Variants in STK26 observed in about 807,000 individuals in gnomAD.
STK26 encodes the protein serine/threonine kinase 26, also known as serine/threonine-protein kinase 26.
STK26 carries 14 observed loss-of-function variants against 34.7 expected under a neutral mutation model. That is an observed-to-expected ratio of 0.40 (90% CI 0.27 to 0.63). The LOEUF (loss-of-function observed/expected upper bound fraction) is 0.63. Ranked by LOEUF, STK26 falls within the 30% of genes least tolerant of loss-of-function variation. The probability of loss-of-function intolerance (pLI) is 0.38; values close to 1 mark genes in which losing one functional copy is unlikely to be tolerated. For missense variants in STK26, 226 were observed against 309.1 expected (o/e 0.73, Z 2.02); for synonymous variants, 100 against 109.8 (o/e 0.91, Z 0.56).
intron 3 of STK26, among the ~76,000 whole-genome samples, chrX:132,062,071 T>C (rs966110588): frequency 8.9e-6 from 1 of 112,424 alleles, no homozygotes; most frequent in Non-Finnish European, 1.9e-5. Flanking sequence ...AAATTGTCTT[T>C]TGGGAGGACT....
rs1569330070 is a variant in STK26 at position 132,044,708 on chromosome X, GATCTATATATATATTTATATATAT to G, written c.43-9920_43-9897del. Among the ~76,000 whole-genome samples the G allele has an allele frequency of 8.3e-4, 55 of 66,384 alleles. 2 individuals are homozygous for G. Among genetic ancestry groups the G allele is most frequent in the African/African-American group, 2.6e-3 (45 of 17,456 alleles). The allele number at this position is 66,384 out of a possible 115,157, so 57.6% of individuals were successfully genotyped here. ...ATATATAGAGAGAGAGAGAGAGAGA[GATCTATATATATATTTATATATAT>G]ATAGAGAGATCTATATATATATTTA... On this transcript the variant is annotated intron_variant, in intron 2 of 11. Coordinates refer to ENST00000394334, the MANE Select transcript of STK26 (RefSeq NM_016542.4).
At chrX:132,028,297 G>C (rs1925687833) in intron 2 of STK26, among the ~76,000 whole-genome samples, 1 of 110,966 alleles carries the variant, frequency 9.0e-6, no homozygotes, top group Non-Finnish European at 1.9e-5. Context: ...GCTAGTTTCA[G>C]AAGGAAAAGT....
At chrX:132,068,364 AT>A in intron 5 of STK26, 41 bp downstream of exon 5, 1 of 1,200,742 alleles carries the variant, frequency 8.3e-7, no homozygotes, top group Non-Finnish European at 1.1e-6. Flanking sequence ...AAATAGAAGC[AT>A]TCTGAGCAAG....
At chrX:132,071,591 C>T (rs1314294243) in intron 8 of STK26, among the ~76,000 whole-genome samples, 1 of 112,206 alleles carries the variant, frequency 8.9e-6, no homozygotes, top group African/African-American at 3.2e-5. Context: ...AACTGACCTC[C>T]AGGCTTTTCC....
At position 132,044,755 on chromosome X, in the gene STK26, T is replaced by TTA. The variant is rs778564863; in HGVS notation, c.43-9865_43-9864dup. 1.4e-3 allele frequency among the ~76,000 whole-genome samples: 66 copies of TTA among 47,898 alleles called. 11 individuals carry two copies. Among genetic ancestry groups the TTA allele is most frequent in the African/African-American group, 6.0e-3 (63 of 10,528 alleles). The allele number at this position is 47,898 out of a possible 115,157, so 41.6% of individuals were successfully genotyped here. A position where few individuals can be genotyped will look rare whatever the true frequency, so the allele number is the denominator to read the frequency against. ...TATATAGAGAGATCTATATATATAT[T>TTA]TATATATATATAGAGAGATCTATAT... On this transcript the variant is annotated intron_variant, in intron 2 of 11. Coordinates refer to ENST00000394334, the MANE Select transcript of STK26 (RefSeq NM_016542.4).
intron 2 of STK26, among the ~76,000 whole-genome samples, chrX:132,031,502 C>T (rs1925837380): frequency 8.9e-6 from 1 of 112,134 alleles, no homozygotes; most frequent in African/African-American, 3.2e-5. Context: ...CCTTCTCAGC[C>T]TCTAATACTC....
chrX:132,061,850 C>T (rs1345201481), intron 3 of STK26, among the ~76,000 whole-genome samples: 3 of 111,421 alleles, frequency 2.7e-5, no homozygotes, highest in African/African-American at 6.5e-5. Context: ...GAATACCTCC[C>T]AGGGATTTTT....
chrX:132,039,611 C>G (rs1423194612), intron 2 of STK26, among the ~76,000 whole-genome samples: 2 of 111,593 alleles, frequency 1.8e-5, no homozygotes, highest in Non-Finnish European at 1.9e-5. Flanking sequence ...TCATTCCAGG[C>G]AAATTTTGAA....
At chrX:132,028,515 A>G (rs1925696237) in intron 2 of STK26, among the ~76,000 whole-genome samples, 1 of 111,716 alleles carries the variant, frequency 9.0e-6, no homozygotes, top group Admixed American at 9.5e-5. Flanking sequence ...GTCATTCATC[A>G]GATATTTACT....
At chrX:132,056,231 A>G (rs1443603302) in intron 3 of STK26, among the ~76,000 whole-genome samples, 1 of 111,551 alleles carries the variant, frequency 9.0e-6, no homozygotes, top group Non-Finnish European at 1.9e-5. Flanking sequence ...CATGTTTATT[A>G]TTGCCTTATG....
At chrX:132,051,826 A>G (rs968667237) in intron 2 of STK26, among the ~76,000 whole-genome samples, 1 of 109,157 alleles carries the variant, frequency 9.2e-6, no homozygotes, top group African/African-American at 3.3e-5. Context: ...ACTCCCACTT[A>G]TGAGTGAGAA....
At chrX:132,037,026 T>C (rs1926076098) in intron 2 of STK26, among the ~76,000 whole-genome samples, 1 of 111,691 alleles carries the variant, frequency 9.0e-6, no homozygotes, top group African/African-American at 3.3e-5. Context: ...TTTAAGAAGG[T>C]CGGTGAATTA....
chrX:132,048,137 A>C (rs1458767532), intron 2 of STK26, among the ~76,000 whole-genome samples: 4 of 112,099 alleles, frequency 3.6e-5, no homozygotes, highest in Non-Finnish European at 7.5e-5. Flanking sequence ...GATAAGAAAT[A>C]TAGCATGTAA....
chrX:132,046,835 A>G (rs777995651), intron 2 of STK26, among the ~76,000 whole-genome samples: 1 of 112,001 alleles, frequency 8.9e-6, no homozygotes, highest in Non-Finnish European at 1.9e-5. Flanking sequence ...ACTACATTTC[A>G]TTTATCTCAT....
chrX:132,051,268 A>T (rs963704195), intron 2 of STK26, among the ~76,000 whole-genome samples: 4 of 111,796 alleles, frequency 3.6e-5, no homozygotes, highest in Admixed American at 1.9e-4. Context: ...ATACCTTCTG[A>T]ATAAGACTTA....
intron 2 of STK26, among the ~76,000 whole-genome samples, chrX:132,051,146 C>T (rs1277849207): frequency 8.9e-6 from 1 of 112,192 alleles, no homozygotes; most frequent in African/African-American, 3.2e-5. Context: ...CTGCTCCTTA[C>T]TTTGCACAGG....
chrX:132,073,130 T>G, intron 11 of STK26, 37 bp downstream of exon 11: 1 of 1,143,734 alleles, frequency 8.7e-7, no homozygotes, highest in Non-Finnish European at 1.2e-6. Context: ...TTATTTTGCA[T>G]TTTCTGTTGT....
At chrX:132,043,734 C>T (rs1400646688) in intron 2 of STK26, among the ~76,000 whole-genome samples, 1 of 111,329 alleles carries the variant, frequency 9.0e-6, no homozygotes, top group Non-Finnish European at 1.9e-5. Context: ...ATCCTGGATG[C>T]TCCAGGACAT....
At chrX:132,058,139 C>T (rs1376302190) in intron 3 of STK26, among the ~76,000 whole-genome samples, 3 of 111,691 alleles carry the variant, frequency 2.7e-5, no homozygotes, top group Non-Finnish European at 5.6e-5. Context: ...TTCAGCCCAT[C>T]ATATTCTTTT....
Sources: allele counts gnomAD v4.1 joint callset (sites outside exome capture counted in the v4.1 genomes callset), GRCh38; gene constraint gnomAD v4.1.1; transcripts MANE v1.5; gene names NCBI Gene and HGNC (gene_info 2026-07-23, HGNC 2026-07-21).